ENPP3: variants seen among roughly 807,000 people sequenced by gnomAD.
ENPP3 encodes ectonucleotide pyrophosphatase/phosphodiesterase 3, also known as ectonucleotide pyrophosphatase/phosphodiesterase family member 3.
In ENPP3, 104 loss-of-function variants were observed where a neutral mutation model predicts 117.8. That is an observed-to-expected ratio of 0.88 (90% CI 0.75 to 1.04). The LOEUF (loss-of-function observed/expected upper bound fraction) is 1.04. Among genes scored for constraint, ENPP3 ranks in the 50% least tolerant of loss-of-function variants. The probability of loss-of-function intolerance (pLI) is 0.00; values close to 1 mark genes in which losing one functional copy is unlikely to be tolerated. For missense variants in ENPP3, 1,026 were observed against 1,051.9 expected (o/e 0.98, Z 0.34); for synonymous variants, 380 against 349.9 (o/e 1.09, Z -0.96).
intron 19 of ENPP3, among the ~76,000 whole-genome samples, chr6:131,724,377 G>T (rs1205536637): frequency 6.6e-6 from 1 of 152,170 alleles, no homozygotes; most frequent in East Asian, 1.9e-4. Context: ...AGACTGAGCT[G>T]CCTGGGTTTG....
chr6:131,679,812 A>G (rs1778984689), intron 11 of ENPP3, among the ~76,000 whole-genome samples: 1 of 152,182 alleles, frequency 6.6e-6, no homozygotes, highest in Non-Finnish European at 1.5e-5. Flanking sequence ...CAGCAAGTAG[A>G]CAGCGTGATC....
intron 2 of ENPP3, among the ~76,000 whole-genome samples, chr6:131,648,675 A>G (rs1164531884): frequency 1.3e-5 from 2 of 152,224 alleles, no homozygotes; most frequent in Non-Finnish European, 2.9e-5. Flanking sequence ...CAAGTTGTGC[A>G]TAGTTGAACT....
chr6:131,727,700 C>T (rs907190995), intron 20 of ENPP3, among the ~76,000 whole-genome samples: 6 of 151,842 alleles, frequency 4.0e-5, no homozygotes, highest in East Asian at 1.9e-4. Context: ...TTGAATGAAA[C>T]GCATTGAATG....
intron 1 of ENPP3, 125 bp from the exon 2 acceptor site, chr6:131,641,330 G>T: frequency 1.9e-6 from 1 of 518,224 alleles, no homozygotes; most frequent in South Asian, 2.8e-5. Context: ...ATCATTGTTG[G>T]ATCTGGTATC....
chr6:131,676,862 T>G (rs1478131800), intron 10 of ENPP3, 61 bp downstream of exon 10: 1 of 454,976 alleles, frequency 2.2e-6, no homozygotes, highest in Non-Finnish European at 3.4e-6. Flanking sequence ...AAAAATGAAG[T>G]TTTTTTTTTT....
At chr6:131,643,432 TC>T (rs1778092470) in intron 2 of ENPP3, among the ~76,000 whole-genome samples, 1 of 152,200 alleles carries the variant, frequency 6.6e-6, no homozygotes, top group Non-Finnish European at 1.5e-5. Context: ...TTTTTCCTTG[TC>T]CTCGTCCTTT....
At chr6:131,684,404 G>A (rs1230823803) in intron 12 of ENPP3, among the ~76,000 whole-genome samples, 2 of 152,148 alleles carry the variant, frequency 1.3e-5, no homozygotes, top group Admixed American at 6.5e-5. Flanking sequence ...TGCAAGCCAG[G>A]CACCATGGCT....
chr6:131,693,776 A>G (rs555281801), intron 15 of ENPP3, 152 bp downstream of exon 15: 4 of 719,012 alleles, frequency 5.6e-6, no homozygotes, highest in Admixed American at 5.2e-5. Context: ...GCAGTTCTGC[A>G]TTTGAAGTGA....
At chr6:131,742,382 G>A (rs1780545284) in intron 24 of ENPP3, among the ~76,000 whole-genome samples, 1 of 152,108 alleles carries the variant, frequency 6.6e-6, no homozygotes, top group Admixed American at 6.6e-5. Context: ...ATATGATGGA[G>A]TGATTACAAT....
chr6:131,658,488 C>A (rs967535069), intron 6 of ENPP3, 68 bp downstream of exon 6: 8 of 843,680 alleles, frequency 9.5e-6, no homozygotes, highest in South Asian at 2.9e-5. Context: ...CTAGAGGATG[C>A]AACTTTCTTT....
intron 5 of ENPP3, among the ~76,000 whole-genome samples, chr6:131,658,101 C>T (rs1562433042): frequency 6.7e-6 from 1 of 150,216 alleles, no homozygotes; most frequent in Non-Finnish European, 1.5e-5. Context: ...TGGCAGTGAG[C>T]TGAGATTGCT....
intron 14 of ENPP3, among the ~76,000 whole-genome samples, chr6:131,687,917 G>A (rs1779188447): frequency 6.6e-6 from 1 of 152,156 alleles, no homozygotes; most frequent in South Asian, 2.1e-4. Context: ...GGGGTATACA[G>A]TTACAGGCTT....
intron 6 of ENPP3, among the ~76,000 whole-genome samples, chr6:131,669,940 A>G (rs1240704830): frequency 6.6e-6 from 1 of 152,220 alleles, no homozygotes; most frequent in Admixed American, 6.5e-5. Context: ...GAGAATTGAT[A>G]ACGGTGAAGC....
chr6:131,711,254 G>A (rs537370697), intron 15 of ENPP3, among the ~76,000 whole-genome samples: 11 of 152,168 alleles, frequency 7.2e-5, no homozygotes, highest in South Asian at 2.1e-4. Context: ...CTGAGGCAGC[G>A]CTGGTCTGAG....
At chr6:131,720,193 A>G (rs1049947542) in intron 16 of ENPP3, 99 bp from the exon 17 acceptor site, 1 of 679,392 alleles carries the variant, frequency 1.5e-6, no homozygotes, top group Middle Eastern at 4.0e-4. Context: ...CCTAATACAA[A>G]TAGGAGAGTA....
At position 131,668,202 on chromosome 6, in the gene ENPP3, C is replaced by T. The variant is rs1200663556; in HGVS notation, c.563-3046C>T. ...TTTTTTTTTGAGTCGGAGTCTCGCT[C>T]TGCGTTTTTTTTTTTTTTTTTTTTT... On this transcript the variant is annotated intron_variant, in intron 6 of 24. Coordinates refer to ENST00000357639, the MANE Select transcript of ENPP3 (RefSeq NM_005021.5). Among the ~76,000 whole-genome samples, 5 of 132,382 alleles carry T rather than the reference C, an allele frequency of 3.8e-5. No individual in the cohort carries two copies. In the East Asian group the frequency reaches 8.7e-4, roughly 23 times the overall value. The allele number at this position is 132,382 out of a possible 152,430, so 86.8% of individuals were successfully genotyped here. A position where few individuals can be genotyped will look rare whatever the true frequency, so the allele number is the denominator to read the frequency against.
chr6:131,656,963 T>A (rs1411004514), intron 5 of ENPP3, among the ~76,000 whole-genome samples: 1 of 152,122 alleles, frequency 6.6e-6, no homozygotes, highest in Admixed American at 6.6e-5. Flanking sequence ...CCACTCTTGA[T>A]CCCAGAGACA....
At chr6:131,720,884 C>T (rs1259319505) in intron 17 of ENPP3, among the ~76,000 whole-genome samples, 1 of 152,108 alleles carries the variant, frequency 6.6e-6, no homozygotes, top group African/African-American at 2.4e-5. Flanking sequence ...CATGCCCAGC[C>T]AGTAATGATA....
chr6:131,731,110 CTT>C (rs1562479209), intron 20 of ENPP3, among the ~76,000 whole-genome samples: 1 of 152,086 alleles, frequency 6.6e-6, no homozygotes, highest in South Asian at 2.1e-4. Context: ...TACCTTTTCT[CTT>C]TTTAAACATT....
Sources: gnomAD v4.1 joint callset for allele counts (sites outside exome capture counted in the v4.1 genomes callset) on GRCh38, gnomAD v4.1.1 for gene constraint, MANE v1.5 for transcripts, NCBI Gene and HGNC (gene_info 2026-07-23, HGNC 2026-07-21) for gene names.